Variants in UTP18 observed in about 807,000 individuals in gnomAD.
UTP18 encodes the protein UTP18 small subunit processome component, also known as U3 small nucleolar RNA-associated protein 18 homolog.
Under a neutral mutation model 61.1 loss-of-function variants are expected in UTP18, and 36 were observed. The ratio of observed to expected loss-of-function variants is 0.59; its 90% CI spans 0.45 to 0.78. UTP18 has a LOEUF of 0.78. Among genes scored for constraint, UTP18 ranks in the 30% least tolerant of loss-of-function variants. UTP18 has a pLI of 0.00. For synonymous variants in UTP18, 282 were observed against 251.1 expected, an observed-to-expected ratio of 1.12 and a Z score of -1.16; for missense variants, 753 against 693.9, an observed-to-expected ratio of 1.09 and a Z score of -0.96.
chr17:51,281,141 A>AATAT (rs1376077993), intron 9 of UTP18, among the ~76,000 whole-genome samples: 11 of 144,536 alleles, frequency 7.6e-5, no homozygotes, highest in African/African-American at 2.6e-4. Flanking sequence ...CACGTCTCAA[A>AATAT]ATATATATAT....
chr17:51,267,586 T>G (rs1030904236), intron 3 of UTP18, among the ~76,000 whole-genome samples: 1 of 152,198 alleles, frequency 6.6e-6, no homozygotes, highest in Non-Finnish European at 1.5e-5. Context: ...TAACTTGTTC[T>G]GTCATCTGTA....
intron 1 of UTP18, among the ~76,000 whole-genome samples, chr17:51,261,916 G>A (rs2055499391): frequency 1.3e-5 from 2 of 152,278 alleles, no homozygotes; most frequent in South Asian, 2.1e-4. Flanking sequence ...GAAACATGCT[G>A]AACTGTGCGA....
intron 6 of UTP18, 34 bp downstream of exon 6, chr17:51,276,025 G>T (rs1243145142): frequency 1.3e-6 from 2 of 1,566,782 alleles, no homozygotes; most frequent in Non-Finnish European, 1.7e-6. Context: ...TATTTCTAAT[G>T]CATTATTTTT....
chr17:51,272,801 C>A (rs1212974119), intron 4 of UTP18, among the ~76,000 whole-genome samples: 7 of 152,168 alleles, frequency 4.6e-5, no homozygotes, highest in Admixed American at 1.3e-4. Context: ...GCTAGTTTTT[C>A]CCTTCTTAGC....
chr17:51,273,064 T>C (rs1904580229), intron 4 of UTP18, among the ~76,000 whole-genome samples: 1 of 152,264 alleles, frequency 6.6e-6, no homozygotes, highest in Non-Finnish European at 1.5e-5. Flanking sequence ...TTTAAACTTT[T>C]ATTTCACTTC....
At chr17:51,264,182 G>A (rs536357721) in intron 2 of UTP18, among the ~76,000 whole-genome samples, 12 of 151,750 alleles carry the variant, frequency 7.9e-5, no homozygotes, top group Non-Finnish European at 1.5e-4. Context: ...GACTACAGGC[G>A]TGTGCCACCA....
Position 51,270,417 on chromosome 17 carries a change from C to T in UTP18, c.622+1513C>T, listed in dbSNP as rs1904488654. ...CTGGATGAAACATAATTTTATTATC[C>T]ATTTCAGAATGCTGCATTTATAGAA... On this transcript the variant is annotated intron_variant, in intron 4 of 13. Coordinates refer to ENST00000225298, the MANE Select transcript of UTP18 (RefSeq NM_016001.3). Among the ~76,000 whole-genome samples the T allele has an allele frequency of 3.9e-5, 6 of 152,128 alleles. No homozygotes were observed. The South Asian group carries it at 8.3e-4, about 21-fold the overall frequency.
At position 51,266,266 on chromosome 17, in the gene UTP18, G is replaced by T. The variant is rs1220125798; in HGVS notation, c.540G>T (p.Lys180Asn). The change falls in exon 3 of 14, where the codon AAG becomes AAT. Residue 180 changes from lysine (K) to asparagine (N), a missense_variant. Lys to Asn is a moderately conservative substitution (Grantham distance 94, BLOSUM62 0). Coordinates refer to ENST00000225298, the MANE Select transcript of UTP18 (RefSeq NM_016001.3). Reference protein sequence around the residue: ...ESKLSKDNLKKRLKEEFQHAM... With the variant: ...ESKLSKDNLKNRLKEEFQHAM... ...AACTTTCGAAAGACAACCTTAAAAA[G>T]AGACTTAAAGAAGAGTAAGTGTCTT... The T allele has an allele frequency of 1.3e-6, 2 of 1,595,976 alleles. No homozygotes were observed. Among genetic ancestry groups the T allele is most frequent in the East Asian group, 2.3e-5 (1 of 43,818 alleles).
chr17:51,263,904 A>G (rs2055533360), intron 2 of UTP18, among the ~76,000 whole-genome samples: 1 of 152,194 alleles, frequency 6.6e-6, no homozygotes, highest in Admixed American at 6.5e-5. Flanking sequence ...TTCTACATAA[A>G]GTTACTTTGT....
At chr17:51,297,728 TTGA>T in intron 13 of UTP18, 51 bp from the exon 14 acceptor site, 1 of 437,284 alleles carries the variant, frequency 2.3e-6, no homozygotes, top group African/African-American at 2.1e-5. Flanking sequence ...TACGTGTCTG[TTGA>T]TGACCAGCAG....
At chr17:51,278,126 T>C (rs964554258) in intron 7 of UTP18, among the ~76,000 whole-genome samples, 1 of 152,364 alleles carries the variant, frequency 6.6e-6, no homozygotes, top group Non-Finnish European at 1.5e-5. Context: ...TCCAATCTTT[T>C]CTTTCCTGTG....
At chr17:51,273,335 T>A in intron 4 of UTP18, 27 bp from the exon 5 acceptor site, 2 of 1,569,454 alleles carry the variant, frequency 1.3e-6, no homozygotes, top group Non-Finnish European at 1.7e-6. Context: ...ATTCTAAAGA[T>A]CAGCCTTCTG....
chr17:51,294,038 A>T lies in UTP18; in HGVS notation c.1639A>T (p.Met547Leu). ...ALGNEKGKAL[M>L]YRLHHYSDF is the part of the protein sequence containing the mutation. Reference sequence around the variant, plus strand: ...GGGGAATGAAAAGGGCAAGGCCCTGATGTATAGGTAGGTATTATTTATGTT... The same window carrying T: ...GGGGAATGAAAAGGGCAAGGCCCTGTTGTATAGGTAGGTATTATTTATGTT... Residue 547 changes from methionine (M) to leucine (L), a missense_variant, in exon 12 of 14, where the codon ATG (methionine) becomes TTG (leucine). By Grantham distance (15) the Met-to-Leu change is conservative. Coordinates refer to ENST00000225298, the MANE Select transcript of UTP18 (RefSeq NM_016001.3). The T allele has an allele frequency of 1.3e-6, 2 of 1,596,188 alleles. No homozygotes were observed. The highest frequency in any genetic ancestry group is 1.7e-6 in the Non-Finnish European group (2 of 1,173,836).
chr17:51,279,726 T>G (rs369856617), intron 7 of UTP18, among the ~76,000 whole-genome samples: 3 of 152,292 alleles, frequency 2.0e-5, no homozygotes, highest in South Asian at 4.1e-4. Context: ...TTAGTTGATA[T>G]GTTTACTGTT....
intron 4 of UTP18, among the ~76,000 whole-genome samples, chr17:51,269,837 TA>T (rs764303557): frequency 2.8e-5 from 3 of 108,744 alleles, no homozygotes; most frequent in African/African-American, 8.6e-5. Context: ...TCAAATAATG[TA>T]TTGTGTGTGT....
chr17:51,261,605 C>T (rs887427985), intron 1 of UTP18, among the ~76,000 whole-genome samples: 1 of 152,086 alleles, frequency 6.6e-6, no homozygotes, highest in African/African-American at 2.4e-5. Flanking sequence ...AAATCCCTGC[C>T]TTTTGGCGCT....
intron 11 of UTP18, among the ~76,000 whole-genome samples, chr17:51,293,177 T>C (rs1905275218): frequency 6.6e-6 from 1 of 152,336 alleles, no homozygotes; most frequent in Non-Finnish European, 1.5e-5. Flanking sequence ...ACTTTTTGCT[T>C]TAGTTTATTC....
rs767811365 is a variant in UTP18, at chr17:51,296,987, TAAAG to T, written c.1671_*3del. The T allele has an allele frequency of 7.4e-5, 119 of 1,605,854 alleles. No individual in the cohort carries two copies. The highest frequency in any genetic ancestry group is 9.9e-5 in the Non-Finnish European group (116 of 1,176,910). ...CAGGTTGCACCATTACTCAGACTTC[TAAAG>T]AGACTATTTGAAGTAAGAAAACCCT... On this transcript the variant is annotated stop_retained_variant and 3_prime_UTR_variant, in exon 13 of 14. Coordinates refer to ENST00000225298, the MANE Select transcript of UTP18 (RefSeq NM_016001.3).
Position 51,275,862 on chromosome 17 carries a change from A to G in UTP18, c.712-4A>G, listed in dbSNP as rs768388026. On this transcript the variant is annotated splice_region_variant and splice_polypyrimidine_tract_variant and intron_variant, in intron 5 of 13. Coordinates refer to ENST00000225298, the MANE Select transcript of UTP18 (RefSeq NM_016001.3). ...GATAAAATCCCAGCTTTCATTTCCT[A>G]TAGATGAAGAACTGCCAGCATGCGA... 11 of 1,593,336 alleles carry G rather than the reference A, an allele frequency of 6.9e-6. No individual in the cohort carries two copies. Among genetic ancestry groups the G allele is most frequent in the East Asian group, 2.3e-5 (1 of 44,034 alleles).
Sources: gnomAD v4.1 joint callset for allele counts (sites outside exome capture counted in the v4.1 genomes callset) on GRCh38, gnomAD v4.1.1 for gene constraint, MANE v1.5 for transcripts, NCBI Gene and HGNC (gene_info 2026-07-23, HGNC 2026-07-21) for gene names.